The following MMP16 variants were observed in gnomAD, a reference collection of about 807,000 sequenced individuals.
MMP16 encodes the protein matrix metalloproteinase-16.
A neutral mutation model predicts 67.8 loss-of-function variants in MMP16; 12 were observed. The observed-to-expected ratio is 0.18, with a 90% CI of 0.11 to 0.29. The LOEUF is 0.29. Among genes scored for constraint, MMP16 ranks in the 10% least tolerant of loss-of-function variants. The pLI, the probability that MMP16 is intolerant of heterozygous loss-of-function variation, is 1.00. For missense variants in MMP16, 475 were observed against 765.7 expected (o/e 0.62, Z 4.48); for synonymous variants, 249 against 255.9 (o/e 0.97, Z 0.26).
At chr8:88,238,663 T>A (rs1385293921) in intron 1 of MMP16, among the ~76,000 whole-genome samples, 2 of 99,902 alleles carry the variant, frequency 2.0e-5, no homozygotes, top group Non-Finnish European at 3.9e-5. Context: ...AAGACTCTGT[T>A]AAAAAAAAAA....
Position 88,208,031 on chromosome 8 carries a change from C to T in MMP16, c.133-10725G>A, listed in dbSNP as rs80115406. The stretch of plus-strand genomic sequence containing the variant: ...GTCAAAATAACAGGATAAGTAGCTT[C>T]GGCTGATAACGAAGCAGGAGACTAG... On this transcript the variant is annotated intron_variant, in intron 1 of 9. Transcript: ENST00000286614. 5.6e-3 allele frequency among the ~76,000 whole-genome samples: 851 copies of T among 152,198 alleles called. 11 individuals carry two copies. Among genetic ancestry groups the T allele is most frequent in the African/African-American group, 0.019 (789 of 41,510 alleles).
At chr8:88,149,381 C>A (rs1586175926) in intron 4 of MMP16, among the ~76,000 whole-genome samples, 1 of 152,170 alleles carries the variant, frequency 6.6e-6, no homozygotes, top group South Asian at 2.1e-4. Flanking sequence ...GGCCTGCCTG[C>A]CTCTGTAGGC....
chr8:88,221,464 C>T (rs1333048090), intron 1 of MMP16, among the ~76,000 whole-genome samples: 1 of 151,890 alleles, frequency 6.6e-6, no homozygotes, highest in East Asian at 1.9e-4. Context: ...GAATCCGAAA[C>T]AAGCAAATAA....
At chr8:88,127,102 C>G (rs1272304524) in intron 4 of MMP16, among the ~76,000 whole-genome samples, 1 of 151,794 alleles carries the variant, frequency 6.6e-6, no homozygotes, top group African/African-American at 2.4e-5. Context: ...TCAGTTCTGA[C>G]TTTACCAAAA....
intron 4 of MMP16, among the ~76,000 whole-genome samples, chr8:88,151,562 C>T (rs1332597678): frequency 7.1e-6 from 1 of 141,234 alleles, no homozygotes; most frequent in East Asian, 2.3e-4. Context: ...AAGAATCTCA[C>T]TCAAAGCCGC....
At position 88,034,106 on chromosome 8, in the gene MMP16, G is replaced by C. The variant is rs890221410; in HGVS notation, c.*7355C>G. ...AGAGGTTGGGATGTATGTCAACTTT[G>C]CTGGGACTGTCTTTGCATGGAAGTT... On this transcript the variant is annotated 3_prime_UTR_variant, in exon 10 of 10. Coordinates refer to ENST00000286614, the MANE Select transcript of MMP16 (RefSeq NM_005941.5). 6.6e-6 allele frequency: 1 copy of C among 151,900 alleles called. No homozygotes were observed. The highest frequency in any genetic ancestry group is 2.4e-5 in the African/African-American group (1 of 41,386). 9.4% of individuals were successfully genotyped at this position (151,900 alleles called of 1,614,324 possible). A position where few individuals can be genotyped will look rare whatever the true frequency, so the allele number is the denominator to read the frequency against.
At chr8:88,134,572 T>A (rs1426885181) in intron 4 of MMP16, among the ~76,000 whole-genome samples, 1 of 151,684 alleles carries the variant, frequency 6.6e-6, no homozygotes, top group Non-Finnish European at 1.5e-5. Context: ...CAAAGATTTA[T>A]GAATGTCTAA....
chr8:88,198,239 T>G (rs536994499), intron 1 of MMP16, among the ~76,000 whole-genome samples: 2 of 152,274 alleles, frequency 1.3e-5, no homozygotes, highest in South Asian at 4.1e-4. Flanking sequence ...TCATTTTAAA[T>G]GCACAATCAT....
intron 1 of MMP16, among the ~76,000 whole-genome samples, chr8:88,199,770 C>G (rs1285404848): frequency 6.6e-6 from 1 of 151,566 alleles, no homozygotes; most frequent in Admixed American, 6.6e-5. Context: ...TATACCATAC[C>G]CTTCCATCCT....
At chr8:88,293,984 A>G (rs1420555770) in intron 1 of MMP16, among the ~76,000 whole-genome samples, 1 of 152,088 alleles carries the variant, frequency 6.6e-6, no homozygotes, top group Non-Finnish European at 1.5e-5. Context: ...CTTCAAAGCT[A>G]GACCAACCAT....
intron 3 of MMP16, among the ~76,000 whole-genome samples, chr8:88,183,777 G>A (rs1265250700): frequency 1.4e-5 from 2 of 143,396 alleles, no homozygotes; most frequent in African/African-American, 2.6e-5. Context: ...GTGCAATGGC[G>A]CGATCTCGGC....
intron 1 of MMP16, among the ~76,000 whole-genome samples, chr8:88,262,749 T>A (rs943324765): frequency 6.9e-6 from 1 of 145,944 alleles, no homozygotes; most frequent in Admixed American, 7.2e-5. Flanking sequence ...AAGCCTGTAA[T>A]CCCAGCACTT....
rs142603969 is a variant in MMP16, at chr8:88,088,156, G to T, written c.1084-13413C>A. Reference sequence around the variant, plus strand: ...GCGATCATGTACTAGACCCCAGTGAGTGTTCAGCTGAGCCTTCCCTGTATT... The same window carrying T: ...GCGATCATGTACTAGACCCCAGTGATTGTTCAGCTGAGCCTTCCCTGTATT... On this transcript the variant is annotated intron_variant, in intron 6 of 9. Transcript: ENST00000286614. Among the ~76,000 whole-genome samples the T allele has an allele frequency of 3.9e-3, 565 of 145,492 alleles. 3 individuals carry two copies. Among genetic ancestry groups the T allele is most frequent in the Non-Finnish European group, 4.3e-3 (294 of 67,628 alleles).
intron 1 of MMP16, among the ~76,000 whole-genome samples, chr8:88,300,759 A>C (rs1222623887): frequency 2.0e-5 from 3 of 152,282 alleles, no homozygotes; most frequent in African/African-American, 7.2e-5. Context: ...GGAAGTCCCC[A>C]AGTTCTCACT....
intron 4 of MMP16, among the ~76,000 whole-genome samples, chr8:88,155,274 A>T (rs530718090): frequency 6.6e-6 from 1 of 152,110 alleles, no homozygotes; most frequent in Non-Finnish European, 1.5e-5. Context: ...ACATGCATGT[A>T]ATTAGAATAT....
At chr8:88,118,011 C>T (rs985702387) in intron 5 of MMP16, among the ~76,000 whole-genome samples, 5 of 151,992 alleles carry the variant, frequency 3.3e-5, no homozygotes, top group African/African-American at 4.8e-5. Flanking sequence ...GAGGAAGTTA[C>T]GATTATAGTA....
chr8:88,093,283 A>C (rs755873721), intron 6 of MMP16, among the ~76,000 whole-genome samples: 9 of 151,894 alleles, frequency 5.9e-5, no homozygotes, highest in Non-Finnish European at 1.3e-4. Context: ...TTTTGATTAT[A>C]ATGTGGCTTA....
intron 6 of MMP16, among the ~76,000 whole-genome samples, chr8:88,109,451 G>A (rs547819058): frequency 6.6e-6 from 1 of 151,394 alleles, no homozygotes; most frequent in South Asian, 2.1e-4. Flanking sequence ...CTGGGTGAAT[G>A]TTTAAATAAC....
intron 4 of MMP16, among the ~76,000 whole-genome samples, chr8:88,161,301 T>G (rs937237417): frequency 1.3e-5 from 2 of 152,230 alleles, no homozygotes; most frequent in African/African-American, 2.4e-5. Flanking sequence ...CAGGAATTTA[T>G]CCATTTCTTC....
Sources: gnomAD v4.1 joint callset for allele counts (sites outside exome capture counted in the v4.1 genomes callset) on GRCh38, gnomAD v4.1.1 for gene constraint, MANE v1.5 for transcripts, NCBI Gene and HGNC (gene_info 2026-07-23, HGNC 2026-07-21) for gene names.